CCDC73: variants seen among roughly 807,000 people sequenced by gnomAD.
CCDC73 encodes the protein coiled-coil domain containing 73, also known as coiled-coil domain-containing protein 73.
A neutral mutation model predicts 116.5 loss-of-function variants in CCDC73; 95 were observed. That is an observed-to-expected ratio of 0.82 (90% CI 0.69 to 0.97). The LOEUF (loss-of-function observed/expected upper bound fraction) is 0.97. Ranked by LOEUF, CCDC73 falls within the 50% of genes least tolerant of loss-of-function variation. The probability of loss-of-function intolerance (pLI) is 0.00; values close to 1 mark genes in which losing one functional copy is unlikely to be tolerated. For synonymous variants in CCDC73, 398 were observed against 401.3 expected, an observed-to-expected ratio of 0.99 and a Z score of 0.10; for missense variants, 1,066 against 1,206.8, an observed-to-expected ratio of 0.88 and a Z score of 1.73.
chr11:32,803,178 C>A, the CCDC73 span, among the ~76,000 whole-genome samples: 2 of 152,198 alleles, frequency 1.3e-5, no homozygotes, highest in African/African-American at 4.8e-5. Flanking sequence ...ACTGCAACCT[C>A]TTCCTCCCAG....
At chr11:32,817,591 A>G in the CCDC73 span, among the ~76,000 whole-genome samples, 1 of 152,190 alleles carries the variant, frequency 6.6e-6, no homozygotes, top group African/African-American at 2.4e-5. Flanking sequence ...TGCCCCTGCC[A>G]GATTAATCTT....
intron 17 of CCDC73, among the ~76,000 whole-genome samples, chr11:32,609,139 A>G (rs1277474773): frequency 6.6e-6 from 1 of 152,216 alleles, no homozygotes; most frequent in Non-Finnish European, 1.5e-5. Flanking sequence ...CATATTTCAC[A>G]GCCAGCTTGA....
In CCDC73 at chr11:32,624,725, G is replaced by A. The variant is rs149923449; in HGVS notation, c.1186-8596C>T. On this transcript the variant is annotated intron_variant, in intron 14 of 17. Coordinates refer to ENST00000335185, the MANE Select transcript of CCDC73 (RefSeq NM_001008391.4). ...TGCTACTATAAAGATACGTGCACAC[G>A]TATGTTTGTTGTGGCACTATTCACA... 7.1e-3 allele frequency among the ~76,000 whole-genome samples: 1,087 copies of A among 152,306 alleles called. 16 individuals are homozygous for A. Among genetic ancestry groups the A allele is most frequent in the African/African-American group, 0.025 (1,045 of 41,566 alleles).
intron 2 of CCDC73, 26 bp from the exon 3 acceptor site, chr11:32,718,173 G>C: frequency 2.7e-6 from 4 of 1,500,842 alleles, no homozygotes; most frequent in South Asian, 2.3e-5. Context: ...AAAGAAAAGT[G>C]CTATAAAAAT....
chr11:32,662,964 T>C (rs1855944828), intron 9 of CCDC73, among the ~76,000 whole-genome samples: 1 of 152,184 alleles, frequency 6.6e-6, no homozygotes, highest in African/African-American at 2.4e-5. Context: ...CCATTTCTTG[T>C]TTTTGTCAGG....
At chr11:32,678,001 G>C (rs1856106914) in intron 7 of CCDC73, among the ~76,000 whole-genome samples, 1 of 145,306 alleles carries the variant, frequency 6.9e-6, no homozygotes, top group Non-Finnish European at 1.5e-5. Flanking sequence ...AGTACAGGCC[G>C]AGCACAGTGG....
rs1432718478 is a variant in CCDC73 at position 32,611,266 on chromosome 11, CTGAT to C, written c.2897-5_2897-2del. Reference sequence around the variant, plus strand: ...GCAACTCTGTTAATGCTGGTAGTATCTGATTGATAAAGAGGAAATGGCAACAACT... The same window carrying C: ...GCAACTCTGTTAATGCTGGTAGTATCTGATAAAGAGGAAATGGCAACAACT... On this transcript the variant is annotated splice_acceptor_variant and splice_polypyrimidine_tract_variant and intron_variant, in intron 16 of 17. Coordinates refer to ENST00000335185, the MANE Select transcript of CCDC73 (RefSeq NM_001008391.4). LOFTEE classifies it high-confidence loss of function. 1.2e-6 allele frequency: 2 copies of C among 1,610,544 alleles called. No homozygotes were observed. Among genetic ancestry groups the C allele is most frequent in the African/African-American group, 2.7e-5 (2 of 74,738 alleles).
chr11:32,711,755 T>C (rs1849902337), intron 3 of CCDC73, among the ~76,000 whole-genome samples: 2 of 152,092 alleles, frequency 1.3e-5, no homozygotes, highest in African/African-American at 4.8e-5. Flanking sequence ...CCTAAAAACC[T>C]ATTGAAAAAA....
At position 32,698,010 on chromosome 11, in the gene CCDC73, AATTTTT is replaced by A. The variant is rs1229180340; in HGVS notation, c.390+1235_390+1240del. Among the ~76,000 whole-genome samples, 32 of 117,740 alleles carry A rather than the reference AATTTTT, an allele frequency of 2.7e-4. 3 individuals are homozygous for A. Among genetic ancestry groups the A allele is most frequent in the African/African-American group, 1.0e-3 (30 of 29,958 alleles). 77.2% of individuals were successfully genotyped at this position (117,740 alleles called of 152,430 possible). On this transcript the variant is annotated intron_variant, in intron 6 of 17. Coordinates refer to ENST00000335185, the MANE Select transcript of CCDC73 (RefSeq NM_001008391.4). Reference sequence around the variant, plus strand: ...TCTGTTGTTTCTTTGTCTAACACTGAATTTTTTTTTTTTTTTTTTTTTTTTTTTTTT... The same window carrying A: ...TCTGTTGTTTCTTTGTCTAACACTGATTTTTTTTTTTTTTTTTTTTTTTTT...
intron 17 of CCDC73, among the ~76,000 whole-genome samples, 194 bp downstream of exon 17, chr11:32,610,938 A>G (rs1166947625): frequency 6.6e-6 from 1 of 152,190 alleles, no homozygotes; most frequent in African/African-American, 2.4e-5. Flanking sequence ...GATTGTATCT[A>G]TTTGATTTAT....
At chr11:32,788,358 T>C (rs1317484386) in intron 1 of CCDC73, among the ~76,000 whole-genome samples, 1 of 152,164 alleles carries the variant, frequency 6.6e-6, no homozygotes, top group East Asian at 1.9e-4. Context: ...ATCCATATAC[T>C]GATTTTTAAA....
At chr11:32,804,167 C>T in the CCDC73 span, among the ~76,000 whole-genome samples, 1 of 151,274 alleles carries the variant, frequency 6.6e-6, no homozygotes, top group Non-Finnish European at 1.5e-5. Flanking sequence ...GAGACAATAT[C>T]TCACTCTGTT....
At chr11:32,830,033 A>G in the CCDC73 span, 5 of 986,444 alleles carry the variant, frequency 5.1e-6, no homozygotes, top group Non-Finnish European at 6.0e-6. Flanking sequence ...CGCGGGGGCC[A>G]TCCAGACCCT....
chr11:32,743,388 T>C (rs1850206836), intron 2 of CCDC73, among the ~76,000 whole-genome samples: 1 of 152,094 alleles, frequency 6.6e-6, no homozygotes, highest in Admixed American at 6.6e-5. Flanking sequence ...CAGTTGTGTG[T>C]AGGTCCACAC....
chr11:32,658,891 C>A (rs2133267652), intron 9 of CCDC73, among the ~76,000 whole-genome samples: 1 of 151,794 alleles, frequency 6.6e-6, no homozygotes, highest in South Asian at 2.1e-4. Flanking sequence ...GAAAAGGGGA[C>A]CATGAAATGC....
At chr11:32,633,379 AT>A (rs543165516) in intron 14 of CCDC73, among the ~76,000 whole-genome samples, 9 of 152,196 alleles carry the variant, frequency 5.9e-5, no homozygotes, top group Non-Finnish European at 1.0e-4. Context: ...ACCCTAGCCA[AT>A]AAATTTGACA....
intron 2 of CCDC73, among the ~76,000 whole-genome samples, chr11:32,731,650 C>T (rs775038804): frequency 6.6e-6 from 1 of 152,210 alleles, no homozygotes; most frequent in Non-Finnish European, 1.5e-5. Flanking sequence ...CCCAGGCAAA[C>T]AGGGTCTGGA....
chr11:32,791,753 G>T (rs1332647636), intron 1 of CCDC73, among the ~76,000 whole-genome samples: 1 of 152,170 alleles, frequency 6.6e-6, no homozygotes, highest in African/African-American at 2.4e-5. Context: ...AGGAGCTCAA[G>T]ACCTCAAGAC....
rs1850326483 is a variant in CCDC73 at position 32,755,546 on chromosome 11, T to TATATATATATATATATATATGTAC, written c.135+4562_135+4563insGTACATATATATATATATATATAT. Among the ~76,000 whole-genome samples the TATATATATATATATATATATGTAC allele has an allele frequency of 2.3e-5, 3 of 131,594 alleles. 1 individual carries two copies. Among genetic ancestry groups the TATATATATATATATATATATGTAC allele is most frequent in the Admixed American group, 1.6e-4 (2 of 12,248 alleles). 86.3% of individuals were successfully genotyped at this position (131,594 alleles called of 152,430 possible). A position where few individuals can be genotyped will look rare whatever the true frequency, so the allele number is the denominator to read the frequency against. On this transcript the variant is annotated intron_variant, in intron 2 of 17. Coordinates refer to ENST00000335185, the MANE Select transcript of CCDC73 (RefSeq NM_001008391.4). ...AAGACTCCATCTCAAAATATATATA[T>TATATATATATATATATATATGTAC]ATATATATATATATATGTACATATA...
Sources: gnomAD v4.1 joint callset for allele counts (sites outside exome capture counted in the v4.1 genomes callset) on GRCh38, gnomAD v4.1.1 for gene constraint, MANE v1.5 for transcripts, NCBI Gene and HGNC (gene_info 2026-07-23, HGNC 2026-07-21) for gene names.